Variants in PCSK6 observed in about 807,000 individuals in gnomAD.
The protein encoded by PCSK6 is paired basic amino acid cleaving enzyme 4.
A neutral mutation model predicts 123.3 loss-of-function variants in PCSK6; 85 were observed. The observed-to-expected ratio is 0.69, with a 90% confidence interval of 0.58 to 0.83. PCSK6 has a LOEUF of 0.83. Among genes scored for constraint, PCSK6 ranks in the 40% least tolerant of loss-of-function variants. The pLI, the probability that PCSK6 is intolerant of heterozygous loss-of-function variation, is 0.00. For synonymous variants in PCSK6, 508 were observed against 516.0 expected (o/e 0.98, Z 0.21); for missense variants, 1,191 against 1,282.3 (o/e 0.93, Z 1.09).
At chr15:101,428,260 G>A (rs113379051) in intron 5 of PCSK6, among the ~76,000 whole-genome samples, 9,180 of 152,108 alleles carry the variant, frequency 0.06, 323 homozygotes, top group Middle Eastern at 0.099. Context: ...GGAGGAAGGT[G>A]CCTGCCCCAG....
chr15:101,416,168 A>G (rs943559107), intron 6 of PCSK6, among the ~76,000 whole-genome samples: 3 of 152,228 alleles, frequency 2.0e-5, no homozygotes, highest in African/African-American at 7.2e-5. Flanking sequence ...TGATAGTGAT[A>G]TGAACAGTAA....
chr15:101,338,600 G>A (rs1422867314), intron 13 of PCSK6, among the ~76,000 whole-genome samples: 2 of 152,310 alleles, frequency 1.3e-5, no homozygotes, highest in East Asian at 3.9e-4. Flanking sequence ...CCTGCTTTCG[G>A]CAAACCACTT....
At chr15:101,351,516 G>A (rs1042369503) in intron 13 of PCSK6, among the ~76,000 whole-genome samples, 12 of 152,186 alleles carry the variant, frequency 7.9e-5, no homozygotes, top group South Asian at 2.1e-4. Flanking sequence ...CCATCGGCTG[G>A]TTATGGAACC....
At chr15:101,417,372 T>A (rs1430028515) in intron 6 of PCSK6, among the ~76,000 whole-genome samples, 1 of 152,192 alleles carries the variant, frequency 6.6e-6, no homozygotes, top group Non-Finnish European at 1.5e-5. Flanking sequence ...TCACAAAAAC[T>A]GAACGTGTAT....
At chr15:101,425,788 G>A (rs1321569960) in intron 6 of PCSK6, among the ~76,000 whole-genome samples, 4 of 151,792 alleles carry the variant, frequency 2.6e-5, no homozygotes, top group African/African-American at 4.8e-5. Context: ...AGAGTTTGGC[G>A]ATGAGTGTAG....
intron 13 of PCSK6, among the ~76,000 whole-genome samples, chr15:101,363,190 T>C (rs1206756788): frequency 6.6e-6 from 1 of 152,220 alleles, no homozygotes; most frequent in Non-Finnish European, 1.5e-5. Flanking sequence ...TGAGAAAGGC[T>C]GCCTGCAGAG....
intron 1 of PCSK6, among the ~76,000 whole-genome samples, chr15:101,462,512 T>G (rs2057362551): frequency 6.6e-6 from 1 of 152,148 alleles, no homozygotes; most frequent in Non-Finnish European, 1.5e-5. Flanking sequence ...CCACCACATA[T>G]CAAGCCTTAT....
In PCSK6 at chr15:101,305,307, C is replaced by T. The variant is rs1181439175; in HGVS notation, c.2861G>A (p.Arg954Gln). 1.2e-6 allele frequency: 2 copies of T among 1,612,824 alleles called. No individual in the cohort carries two copies. Among genetic ancestry groups the T allele is most frequent in the East Asian group, 2.2e-5 (1 of 44,886 alleles). The change falls in exon 22 of 22, where the codon CGG becomes CAG. Residue 954 changes from arginine (R) to glutamine (Q), a missense_variant. Arg to Gln is a conservative substitution (Grantham distance 43). Transcript: ENST00000611716. The surrounding 1 kb of genome is among the most constrained non-coding windows in gnomAD (Gnocchi z 4.8). ...EMVKSNRLCERKLFIQFCCRT... is the reference protein window; with the variant it reads ...EMVKSNRLCEQKLFIQFCCRT... ...GCAGCAGAACTGAATGAAGAGCTTCCGTTCGCACAGCCGGTTGGACTTCAC... is the reference window on the plus strand; with the variant it reads ...GCAGCAGAACTGAATGAAGAGCTTCTGTTCGCACAGCCGGTTGGACTTCAC...
intron 18 of PCSK6, among the ~76,000 whole-genome samples, chr15:101,320,735 G>C (rs2040101110): frequency 6.6e-6 from 1 of 152,198 alleles, no homozygotes; most frequent in Admixed American, 6.5e-5. Flanking sequence ...AGAGGCGGCG[G>C]CTCGGCTGCT....
rs934965603 is a variant in PCSK6 at position 101,488,247 on chromosome 15, T to G, written c.297+1127A>C. 6.6e-5 allele frequency among the ~76,000 whole-genome samples: 10 copies of G among 152,332 alleles called. 1 individual carries two copies. Among genetic ancestry groups the G allele is most frequent in the Admixed American group, 5.9e-4 (9 of 15,308 alleles). ...GTCGGTGCTTCCCTGTCACTTCACT[T>G]AACCCTCTGAGTGTGTAGTTTGTAG... On this transcript the variant is annotated intron_variant, in intron 1 of 21. Coordinates refer to ENST00000611716, the MANE Select transcript of PCSK6 (RefSeq NM_002570.5).
At chr15:101,328,547 A>T (rs2040309531) in intron 15 of PCSK6, among the ~76,000 whole-genome samples, 1 of 152,118 alleles carries the variant, frequency 6.6e-6, no homozygotes, top group Non-Finnish European at 1.5e-5. Flanking sequence ...TCGGAGGAGG[A>T]CAGCCTTGGG....
At chr15:101,331,558 C>A in intron 15 of PCSK6, 93 bp downstream of exon 15, 1 of 1,209,374 alleles carries the variant, frequency 8.3e-7, no homozygotes, top group South Asian at 1.3e-5. Context: ...GCTAACTTAC[C>A]AGGGGGCAAG....
At chr15:101,446,550 C>A (rs992344623) in intron 1 of PCSK6, among the ~76,000 whole-genome samples, 4 of 152,144 alleles carry the variant, frequency 2.6e-5, no homozygotes, top group African/African-American at 9.7e-5. Flanking sequence ...CCACACCCAC[C>A]CTTTCCCTAC....
intron 8 of PCSK6, 35 bp from the exon 9 acceptor site, chr15:101,389,599 G>A (rs1290439589): frequency 6.5e-7 from 1 of 1,530,238 alleles, no homozygotes; most frequent in Non-Finnish European, 9.0e-7. Flanking sequence ...GGCAGTGATG[G>A]CAGACAGGCT....
At chr15:101,330,219 C>A (rs1444735226) in intron 15 of PCSK6, among the ~76,000 whole-genome samples, 1 of 152,246 alleles carries the variant, frequency 6.6e-6, no homozygotes, top group South Asian at 2.1e-4. Context: ...TGGTCCTCAA[C>A]CTTCCTCTCC....
chr15:101,349,771 G>A (rs553034776), intron 13 of PCSK6, among the ~76,000 whole-genome samples: 67 of 152,236 alleles, frequency 4.4e-4, no homozygotes, highest in African/African-American at 1.3e-3. Context: ...CTGCATTCCC[G>A]TTCTTTAAAT....
intron 11 of PCSK6, 24 bp downstream of exon 11, chr15:101,382,068 A>C (rs1371784552): frequency 2.6e-6 from 4 of 1,535,862 alleles, no homozygotes; most frequent in Non-Finnish European, 3.6e-6. Context: ...CTGAGAAGTC[A>C]CCGATGCCAC....
intron 6 of PCSK6, among the ~76,000 whole-genome samples, 196 bp downstream of exon 6, chr15:101,427,696 C>G (rs2056303816): frequency 6.6e-6 from 1 of 152,218 alleles, no homozygotes; most frequent in Non-Finnish European, 1.5e-5. Context: ...TAAGCAGTTC[C>G]TCTGTCTTGA....
At position 101,331,982 on chromosome 15, in the gene PCSK6, C is replaced by A; in HGVS notation, c.1908G>T (p.Pro636=). 2.5e-6 allele frequency: 4 copies of A among 1,613,604 alleles called. No individual in the cohort carries two copies. The highest frequency in any genetic ancestry group is 3.4e-6 in the Non-Finnish European group (4 of 1,179,714). ...SLILYGTAEH[P]YHTFSAHQSR... Reference sequence around the variant, plus strand: ...ACTGATGGGCACTGAAGGTGTGGTACGGGTGCTCTGCTGTGCCATACAGTA... The same window carrying A: ...ACTGATGGGCACTGAAGGTGTGGTAAGGGTGCTCTGCTGTGCCATACAGTA... The change falls in exon 14 of 22, where the codon CCG becomes CCT. Residue 636 remains proline (P), a synonymous_variant. Transcript: ENST00000611716.
Sources: gnomAD v4.1 joint callset for allele counts (sites outside exome capture counted in the v4.1 genomes callset) on GRCh38, gnomAD v4.1.1 for gene constraint, Gnocchi (gnomAD v3.1) non-coding constraint, MANE v1.5 for transcripts, NCBI Gene and HGNC (gene_info 2026-07-23, HGNC 2026-07-21) for gene names.